Variants in TRIM14 observed in about 807,000 individuals in gnomAD.
TRIM14 encodes the protein tripartite motif-containing protein 14.
Under a neutral mutation model 44.5 loss-of-function variants are expected in TRIM14, and 28 were observed. The ratio of observed to expected loss-of-function variants is 0.63; its 90% CI spans 0.47 to 0.86. TRIM14 has a LOEUF of 0.86. TRIM14 is among the 40% of genes least tolerant of loss of function. The probability of loss-of-function intolerance (pLI) is 0.00; values close to 1 mark genes in which losing one functional copy is unlikely to be tolerated. For missense variants in TRIM14, 607 were observed against 611.1 expected, an observed-to-expected ratio of 0.99 and a Z score of 0.07; for synonymous variants, 299 against 269.2, an observed-to-expected ratio of 1.11 and a Z score of -1.08.
the TRIM14 span, among the ~76,000 whole-genome samples, chr9:98,041,396 G>C: frequency 6.6e-6 from 1 of 151,902 alleles, no homozygotes; most frequent in Non-Finnish European, 1.5e-5. Flanking sequence ...ATGTGGGCCA[G>C]GCTGGTCTCA....
At chr9:98,036,500 GA>G in the TRIM14 span, among the ~76,000 whole-genome samples, 38,458 of 102,036 alleles carry the variant, frequency 0.38, 6,492 homozygotes, top group African/African-American at 0.55. Context: ...GACTCCATCT[GA>G]AAAAAAAAAA....
intron 2 of TRIM14, among the ~76,000 whole-genome samples, chr9:98,109,148 T>A (rs1314611474): frequency 2.0e-5 from 3 of 152,100 alleles, no homozygotes; most frequent in African/African-American, 7.2e-5. Flanking sequence ...CCTCCCAAAG[T>A]GCAGAGCAGG....
intron 5 of TRIM14, among the ~76,000 whole-genome samples, chr9:98,090,486 A>C (rs1440275500): frequency 6.6e-6 from 1 of 152,052 alleles, no homozygotes; most frequent in African/African-American, 2.4e-5. Flanking sequence ...TCTTGATCTG[A>C]AGGTGGTTAC....
chr9:98,087,619 A>G lies in TRIM14; in HGVS notation c.1180T>C (p.Phe394Leu). 6.2e-7 allele frequency: 1 copy of G among 1,601,348 alleles called. No homozygotes were observed. Among genetic ancestry groups the G allele is most frequent in the African/African-American group, 1.3e-5 (1 of 74,944 alleles). Residue 394 changes from phenylalanine to leucine, a missense_variant, in exon 6 of 6, where the codon TTC (phenylalanine) becomes CTC (leucine). Phe to Leu is a conservative substitution (Grantham distance 22). Transcript: ENST00000341469. Reference protein sequence around the residue: ...PRDDLDRLGVFLDYEAGVLAF... With the variant: ...PRDDLDRLGVLLDYEAGVLAF... Reference sequence around the variant, plus strand: ...AGGACGCCGGCCTCGTAGTCCAGGAAGACGCCGAGCCGGTCGAGGTCGTCG... The same window carrying G: ...AGGACGCCGGCCTCGTAGTCCAGGAGGACGCCGAGCCGGTCGAGGTCGTCG...
chr9:98,088,106 G>A (rs1228441158), intron 5 of TRIM14, 101 bp from the exon 6 acceptor site: 3 of 1,288,624 alleles, frequency 2.3e-6, no homozygotes, highest in African/African-American at 3.2e-5. Context: ...AAAATGCGAA[G>A]CGCGGAAATG....
chr9:98,046,632 G>A, the TRIM14 span, among the ~76,000 whole-genome samples: 1 of 151,894 alleles, frequency 6.6e-6, no homozygotes, highest in Non-Finnish European at 1.5e-5. Flanking sequence ...TTAGAGAGGG[G>A]GTTTCACCAT....
chr9:98,047,705 A>G, the TRIM14 span, among the ~76,000 whole-genome samples: 25 of 152,078 alleles, frequency 1.6e-4, no homozygotes, highest in African/African-American at 6.0e-4. Context: ...AGCTAATGGC[A>G]ATTATGGGGG....
At chr9:98,059,737 T>G in the TRIM14 span, among the ~76,000 whole-genome samples, 7 of 152,226 alleles carry the variant, frequency 4.6e-5, no homozygotes, top group African/African-American at 1.4e-4. Context: ...TTTGTTTTTT[T>G]TTTTTTATAG....
Position 98,087,634 on chromosome 9 carries a change from C to T in TRIM14, c.1165G>A (p.Asp389Asn), listed in dbSNP as rs1316810310. The change falls in exon 6 of 6, where the codon GAC (aspartate) becomes AAC (asparagine). Residue 389 changes from aspartate to asparagine, a missense_variant. By Grantham distance (23) the Asp-to-Asn change is conservative (BLOSUM62 1). Around this residue, in one of 3 missense-constraint regions of TRIM14, gnomAD observed 356 missense variants for 323.0 expected, o/e 1.10. Coordinates refer to ENST00000341469, the MANE Select transcript of TRIM14 (RefSeq NM_014788.4). ...TAGTCCAGGAAGACGCCGAGCCGGT[C>T]GAGGTCGTCGCGGGGCCGCAGGCGG... The part of the protein sequence containing the change: ...RSRLRPRDDL[D>N]RLGVFLDYEA... The T allele has an allele frequency of 6.2e-7, 1 of 1,604,902 alleles. No individual in the cohort carries two copies. The highest frequency in any genetic ancestry group is 8.5e-7 in the Non-Finnish European group (1 of 1,178,536).
the TRIM14 span, among the ~76,000 whole-genome samples, chr9:98,039,253 C>G: frequency 6.6e-6 from 1 of 151,754 alleles, no homozygotes; most frequent in Non-Finnish European, 1.5e-5. Flanking sequence ...GAGGCTCAAG[C>G]AATCTTCCTG....
At chr9:98,056,523 C>T in the TRIM14 span, among the ~76,000 whole-genome samples, 1 of 152,140 alleles carries the variant, frequency 6.6e-6, no homozygotes, top group Non-Finnish European at 1.5e-5. Flanking sequence ...GGTCCGAGAC[C>T]ACGCTCTGGG....
downstream of TRIM14, among the ~76,000 whole-genome samples, chr9:98,066,415 C>T (rs1021404724): frequency 2.6e-5 from 4 of 152,120 alleles, no homozygotes; most frequent in African/African-American, 9.7e-5. Flanking sequence ...CCTCTGGCAG[C>T]GGCTCACCTA....
Position 98,100,167 on chromosome 9 carries a change from A to G in TRIM14, c.304-3T>C. On this transcript the variant is annotated splice_polypyrimidine_tract_variant and splice_region_variant and intron_variant, in intron 2 of 5. Coordinates refer to ENST00000341469, the MANE Select transcript of TRIM14 (RefSeq NM_014788.4). ...GTTTTACTTGACTCTGCATTAGCCT[A>G]AAAACAGAAAAACCAGTTGCAGATG... 1 of 1,612,044 alleles carries G rather than the reference A, an allele frequency of 6.2e-7. No homozygotes were observed.
chr9:98,045,838 T>C, the TRIM14 span, among the ~76,000 whole-genome samples: 1 of 152,194 alleles, frequency 6.6e-6, no homozygotes, highest in East Asian at 1.9e-4. Flanking sequence ...CTGGGGATCA[T>C]GGTAAGTTCT....
downstream of TRIM14, chr9:98,083,149 ACCTGGCTGTCAT>A: frequency 2.4e-6 from 3 of 1,245,430 alleles, no homozygotes; most frequent in African/African-American, 1.5e-5. Flanking sequence ...GTCTCCAGGG[ACCTGGCTGTCAT>A]CCACCTCCAC....
At chr9:98,080,692 A>G (rs1228500964), downstream of TRIM14, 1 of 1,065,760 alleles carries the variant, frequency 9.4e-7, no homozygotes. Flanking sequence ...GAGCCTCAGT[A>G]TCTTGCCCCT....
rs1158485999 is a variant in TRIM14 at position 98,099,992 on chromosome 9, TTCATGATG to T, written c.468_475del (p.Asp156GlufsTer2). 9.3e-6 allele frequency: 15 copies of T among 1,614,166 alleles called. No individual in the cohort carries two copies. Among genetic ancestry groups the T allele is most frequent in the South Asian group, 5.5e-5 (5 of 91,082 alleles). On this transcript the variant is annotated frameshift_variant, in exon 3 of 6. Transcript: ENST00000341469. LOFTEE classifies it high-confidence loss of function. ...ACTCCAGACCCTGTTGGAGAGATCA[TTCATGATG>T]TCAAGTTGCTCTCTGCAAGAGTCAG...
chr9:98,088,706 G>T (rs746405308), intron 5 of TRIM14, among the ~76,000 whole-genome samples: 1 of 152,158 alleles, frequency 6.6e-6, no homozygotes, highest in Non-Finnish European at 1.5e-5. Context: ...CGTTTAAAAA[G>T]CTTTTGAAAC....
At chr9:98,049,643 C>T in the TRIM14 span, among the ~76,000 whole-genome samples, 3 of 152,060 alleles carry the variant, frequency 2.0e-5, no homozygotes, top group African/African-American at 4.8e-5. Context: ...GTGAGGACAA[C>T]CAGAGGTCAC....
Sources: allele counts gnomAD v4.1 joint callset (sites outside exome capture counted in the v4.1 genomes callset), GRCh38; gene constraint gnomAD v4.1.1; regional missense constraint gnomAD v4.1.1; transcripts MANE v1.5; gene names NCBI Gene and HGNC (gene_info 2026-07-23, HGNC 2026-07-21).